Variants in MAN2C1 observed in about 807,000 individuals in gnomAD.
MAN2C1 encodes the protein mannosidase alpha class 2C member 1.
A neutral mutation model predicts 126.9 loss-of-function variants in MAN2C1; 111 were observed. That is an observed-to-expected ratio of 0.87 (90% CI 0.75 to 1.02). The LOEUF is 1.02. Ranked by LOEUF, MAN2C1 falls within the 50% of genes least tolerant of loss-of-function variation. The pLI is 0.00. For missense variants in MAN2C1, 1,363 were observed against 1,364.4 expected (o/e 1.00, Z 0.02); for synonymous variants, 567 against 561.5 (o/e 1.01, Z -0.14).
chr15:75,367,306 C>T (rs1397460669), intron 3 of MAN2C1, among the ~76,000 whole-genome samples: 3 of 152,120 alleles, frequency 2.0e-5, no homozygotes, highest in South Asian at 4.1e-4. Context: ...GAAATGTTTT[C>T]CTATAAGTTT....
intron 2 of MAN2C1, 37 bp downstream of exon 2, chr15:75,368,036 G>C (rs753389514): frequency 4.4e-6 from 7 of 1,581,532 alleles, no homozygotes; most frequent in East Asian, 2.3e-5. Context: ...ACTTCCCCTA[G>C]GCCTGTGGCC....
rs562643403 is a variant in MAN2C1, at chr15:75,361,155, G to A, written c.1351C>T (p.Arg451Trp). 1.9e-5 allele frequency: 31 copies of A among 1,613,134 alleles called. No homozygotes were observed. Among genetic ancestry groups the A allele is most frequent in the Admixed American group, 1.8e-4 (11 of 59,884 alleles). ...AAGAGGAAGGCACTGTGGTTGGCCC[G>A]CCCCTTGTCCCGGTTGTTGGCCACG... ...KTVANNRDKGRANHSAFLFGF... is the reference protein window; with the variant it reads ...KTVANNRDKGWANHSAFLFGF... Residue 451 changes from arginine to tryptophan, a missense_variant, in exon 12 of 26, where the codon CGG becomes TGG. By Grantham distance (101) the Arg-to-Trp change is moderately radical. This residue lies in a region of MAN2C1 where 628 missense variants were observed against 609.8 expected (regional missense o/e 1.03). Transcript: ENST00000267978. The surrounding 1 kb of genome is among the most constrained non-coding windows in gnomAD (Gnocchi z 5.0).
intron 1 of MAN2C1, 108 bp from the exon 2 acceptor site, chr15:75,368,306 T>G (rs2072630183): frequency 6.7e-7 from 1 of 1,490,998 alleles, no homozygotes. Context: ...CCAAGAGGGC[T>G]GCCTGGCCGC....
At position 75,355,945 on chromosome 15, in the gene MAN2C1, C is replaced by A. The variant is rs2072278296; in HGVS notation, c.3084G>T (p.Val1028=). The change falls in exon 26 of 26, where the codon GTG becomes GTT. Residue 1028 remains valine (V), a synonymous_variant. Transcript: ENST00000267978. Reference sequence around the variant, plus strand: ...GCTGAAGCACGAGCAACAGGGACAGCACTTGGAAGGGAGAAAAGGTGAGCT... The same window carrying A: ...GCTGAAGCACGAGCAACAGGGACAGAACTTGGAAGGGAGAAAAGGTGAGCT... ...RLKLTFSPFQ[V]LSLLLVLQPP... 3 of 1,614,088 alleles carry A rather than the reference C, an allele frequency of 1.9e-6. No individual in the cohort carries two copies. Among genetic ancestry groups the A allele is most frequent in the East Asian group, 4.5e-5 (2 of 44,894 alleles).
At chr15:75,368,305 C>G (rs1475225373) in intron 1 of MAN2C1, 107 bp from the exon 2 acceptor site, 5 of 1,490,644 alleles carry the variant, frequency 3.4e-6, no homozygotes, top group Non-Finnish European at 4.5e-6. Context: ...GCCAAGAGGG[C>G]TGCCTGGCCG....
rs753181114 is a variant in MAN2C1, at chr15:75,361,073, C to T, written c.1433G>A (p.Arg478His). Residue 478 changes from arginine (R) to histidine (H), a missense_variant, in exon 12 of 26, where the codon CGC becomes CAC. By Grantham distance (29) the Arg-to-His change is conservative. Transcript: ENST00000267978. The surrounding 1 kb of genome is among the most constrained non-coding windows in gnomAD (Gnocchi z 5.0). ...GGGCAGCCCATCCGTATTGCTCAGG[C>T]GCTTCAGGCGGTCCAGCATGGTCTG... The part of the protein sequence containing the change: ...PTQTMLDRLK[R>H]LSNTDGLPRV... 15 of 1,611,310 alleles carry T rather than the reference C, an allele frequency of 9.3e-6. No homozygotes were observed. The highest frequency in any genetic ancestry group is 2.7e-5 in the African/African-American group (2 of 75,042).
In MAN2C1 at chr15:75,362,667, G is replaced by C. The variant is rs370947707; in HGVS notation, c.872C>G (p.Pro291Arg). 2 of 1,614,124 alleles carry C rather than the reference G, an allele frequency of 1.2e-6. No homozygotes were observed. The highest frequency in any genetic ancestry group is 2.7e-5 in the African/African-American group (2 of 75,064). The change falls in exon 7 of 26, where the codon CCT becomes CGT. Residue 291 changes from proline to arginine, a missense_variant. Around this residue, in one of 3 missense-constraint regions of MAN2C1, gnomAD observed 628 missense variants for 609.8 expected, o/e 1.03. Transcript: ENST00000267978. The surrounding 1 kb of genome is among the most constrained non-coding windows in gnomAD (Gnocchi z 4.5). ...CTGGGAGCAGGCAAAGATGAACTCA[G>C]GGTTCCGCTCCATGAGCTGCAGGGC... ...VTALQLMERN[P>R]EFIFACSQAQ...
At position 75,358,330 on chromosome 15, in the gene MAN2C1, C is replaced by T; in HGVS notation, c.2418G>A (p.Glu806=). ...VRFHTEVHWH[E]AHKFLKVEFP... ...ACTCCACCTTCAGGAACTTGTGGGC[C>T]TCATGCCAGTGTACCTGGGAGTGGG... is the stretch of plus-strand genomic sequence containing the variant. Residue 806 remains glutamate (E), a synonymous_variant, in exon 21 of 26, where the codon GAG becomes GAA. Transcript: ENST00000267978. 1 of 1,614,168 alleles carries T rather than the reference C, an allele frequency of 6.2e-7. No individual in the cohort carries two copies. The highest frequency in any genetic ancestry group is 8.5e-7 in the Non-Finnish European group (1 of 1,180,050).
chr15:75,365,940 A>T (rs2072566333), intron 4 of MAN2C1: 1 of 435,298 alleles, frequency 2.3e-6, no homozygotes, highest in Non-Finnish European at 4.5e-6. Context: ...AAAAAAAAAT[A>T]GCTGGACGTG....
At position 75,356,682 on chromosome 15, in the gene MAN2C1, C is replaced by G; in HGVS notation, c.2661G>C (p.Leu887Phe). The change falls in exon 23 of 26, where the codon TTG becomes TTC. Residue 887 changes from leucine (L) to phenylalanine (F), a missense_variant. By Grantham distance (22) the Leu-to-Phe change is conservative. Coordinates refer to ENST00000267978, the MANE Select transcript of MAN2C1 (RefSeq NM_006715.4). This position sits in a 1 kb window ranked among gnomAD's most constrained non-coding sequence, Gnocchi z 5.8. ...VRGSILSLSL[L>F]RAPKAPDATA... ...TAGCGTCCGGGGCTTTAGGCGCCCG[C>G]AAGCTGGGGTGAGGAGGGCGCGTAG... The G allele has an allele frequency of 6.3e-7, 1 of 1,596,864 alleles. No individual in the cohort carries two copies. The highest frequency in any genetic ancestry group is 8.5e-7 in the Non-Finnish European group (1 of 1,172,108).
chr15:75,356,226 A>T lies in MAN2C1; in HGVS notation c.2887-7T>A. On this transcript the variant is annotated splice_region_variant and splice_polypyrimidine_tract_variant and intron_variant, in intron 24 of 25. Coordinates refer to ENST00000267978, the MANE Select transcript of MAN2C1 (RefSeq NM_006715.4). This position sits in a 1 kb window ranked among gnomAD's most constrained non-coding sequence, Gnocchi z 5.8. The stretch of plus-strand genomic sequence containing the variant: ...GCTGGGGGCTGCTCTCCGCCTGCAG[A>T]GGAACACGTCTGGTGGGAGGGGCCG... 6.2e-7 allele frequency: 1 copy of T among 1,612,960 alleles called. No homozygotes were observed. The highest frequency in any genetic ancestry group is 8.5e-7 in the Non-Finnish European group (1 of 1,179,754).
Position 75,356,095 on chromosome 15 carries a change from C to T in MAN2C1, c.2996+15G>A. 3 of 1,613,816 alleles carry T rather than the reference C, an allele frequency of 1.9e-6. No individual in the cohort carries two copies. The highest frequency in any genetic ancestry group is 2.5e-6 in the Non-Finnish European group (3 of 1,179,930). On this transcript the variant is annotated intron_variant, in intron 25 of 25. Transcript: ENST00000267978. This position sits in a 1 kb window ranked among gnomAD's most constrained non-coding sequence, Gnocchi z 5.8. ...CGAGACTCGACCCCCGCCCCAATCC[C>T]ACACCGCCACTCACAGGATGGCCTC...
Position 75,361,547 on chromosome 15 carries a change from A to G in MAN2C1, c.1218+57T>C, listed in dbSNP as rs2072469890. 7.1e-7 allele frequency: 1 copy of G among 1,416,498 alleles called. No homozygotes were observed. The highest frequency in any genetic ancestry group is 1.0e-6 in the Non-Finnish European group (1 of 1,001,086). The allele number at this position is 1,416,498 out of a possible 1,614,324, so 87.7% of individuals were successfully genotyped here. On this transcript the variant is annotated intron_variant, in intron 10 of 25. Transcript: ENST00000267978. This position sits in a 1 kb window ranked among gnomAD's most constrained non-coding sequence, Gnocchi z 5.0. ...ACCCCACAATAAGGGGGAGAGGCAA[A>G]TGGGCCAGGCGGGACTGAGGCCCAC... is the stretch of plus-strand genomic sequence containing the variant.
At chr15:75,363,414 C>G (rs1265203860) in intron 6 of MAN2C1, 6 of 418,718 alleles carry the variant, frequency 1.4e-5, no homozygotes, top group Middle Eastern at 3.4e-4. Flanking sequence ...GCCTCAGACT[C>G]CCCACCATTG....
At position 75,368,205 on chromosome 15, in the gene MAN2C1, G is replaced by C. The variant is rs775611154; in HGVS notation, c.102-7C>G. On this transcript the variant is annotated splice_polypyrimidine_tract_variant and splice_region_variant and intron_variant, in intron 1 of 25. Coordinates refer to ENST00000267978, the MANE Select transcript of MAN2C1 (RefSeq NM_006715.4). Reference sequence around the variant, plus strand: ...GCAGCTGGCCCCAAAAAGCCTGCGTGGGACGGGCCGGTGGGCACATGCTGG... The same window carrying C: ...GCAGCTGGCCCCAAAAAGCCTGCGTCGGACGGGCCGGTGGGCACATGCTGG... 3.6e-5 allele frequency: 58 copies of C among 1,598,760 alleles called. No individual in the cohort carries two copies. The Admixed American group carries it at 5.5e-4, about 15-fold the overall frequency.
rs2072284471 is a variant in MAN2C1 at position 75,356,097 on chromosome 15, C to T, written c.2996+13G>A. On this transcript the variant is annotated intron_variant, in intron 25 of 25. Transcript: ENST00000267978. The surrounding 1 kb of genome is among the most constrained non-coding windows in gnomAD (Gnocchi z 5.8). ...AGACTCGACCCCCGCCCCAATCCCA[C>T]ACCGCCACTCACAGGATGGCCTCCT... The T allele has an allele frequency of 6.2e-6, 10 of 1,613,822 alleles. No individual in the cohort carries two copies. The highest frequency in any genetic ancestry group is 7.6e-6 in the Non-Finnish European group (9 of 1,179,928).
chr15:75,368,520 A>G lies in MAN2C1; in HGVS notation c.64T>C (p.Ser22Pro). The change falls in exon 1 of 26, where the codon TCG (serine) becomes CCG (proline). Residue 22 changes from serine (S) to proline (P), a missense_variant. Physicochemically the swap from Ser to Pro is moderately conservative, Grantham distance 74 (BLOSUM62 -1). Around this residue, in one of 3 missense-constraint regions of MAN2C1, gnomAD observed 628 missense variants for 609.8 expected, o/e 1.03. Coordinates refer to ENST00000267978, the MANE Select transcript of MAN2C1 (RefSeq NM_006715.4). ...TTLERVEKFV[S>P]PLYFTDCNLR... Reference sequence around the variant, plus strand: ...TTACAGTCGGTAAAGTAGAGCGGCGACACGAACTTCTCCACCCGCTCCAGC... The same window carrying G: ...TTACAGTCGGTAAAGTAGAGCGGCGGCACGAACTTCTCCACCCGCTCCAGC... 1 of 1,556,590 alleles carries G rather than the reference A, an allele frequency of 6.4e-7. No individual in the cohort carries two copies. The highest frequency in any genetic ancestry group is 1.4e-5 in the African/African-American group (1 of 73,494).
chr15:75,355,954 G>A lies in MAN2C1; in HGVS notation c.3075C>T (p.Pro1025=), dbSNP rs753250089. The A allele has an allele frequency of 1.2e-6, 2 of 1,614,094 alleles. No individual in the cohort carries two copies. Among genetic ancestry groups the A allele is most frequent in the East Asian group, 2.2e-5 (1 of 44,902 alleles). The part of the protein sequence containing the change: ...RDNRLKLTFS[P]FQVLSLLLVL... ...CGAGCAACAGGGACAGCACTTGGAA[G>A]GGAGAAAAGGTGAGCTTCAGGCGGT... The change falls in exon 26 of 26, where the codon CCC becomes CCT. Residue 1025 remains proline, a synonymous_variant. Transcript: ENST00000267978.
chr15:75,359,588 C>G (rs1595875920), intron 16 of MAN2C1, 32 bp downstream of exon 16: 1 of 1,609,646 alleles, frequency 6.2e-7, no homozygotes, highest in Non-Finnish European at 8.5e-7. Context: ...ATCCTTCCTG[C>G]TGCAGTAGCA....
Sources: allele counts gnomAD v4.1 joint callset (sites outside exome capture counted in the v4.1 genomes callset), GRCh38; gene constraint gnomAD v4.1.1; regional missense constraint gnomAD v4.1.1; non-coding constraint Gnocchi (gnomAD v3.1); transcripts MANE v1.5; gene names NCBI Gene and HGNC (gene_info 2026-07-23, HGNC 2026-07-21).